The following NELL1 variants were observed in gnomAD, a reference collection of about 807,000 sequenced individuals.
NELL1 encodes the protein neural EGFL like 1, also known as protein kinase C-binding protein NELL1.
NELL1 carries 76 observed loss-of-function variants against 107.4 expected under a neutral mutation model. The observed-to-expected ratio is 0.71, with a 90% confidence interval of 0.59 to 0.86. NELL1 has a LOEUF of 0.86. NELL1 is among the 40% of genes least tolerant of loss of function. The pLI is 0.00. For missense variants in NELL1, 1,024 were observed against 1,005.5 expected, an observed-to-expected ratio of 1.02 and a Z score of -0.25; for synonymous variants, 353 against 341.2, an observed-to-expected ratio of 1.03 and a Z score of -0.38.
chr11:21,404,004 A>AGC (rs1379171004), intron 15 of NELL1, among the ~76,000 whole-genome samples: 2 of 28,222 alleles, frequency 7.1e-5, no homozygotes, highest in Admixed American at 4.8e-4. Flanking sequence ...GTCATTCCTG[A>AGC]ACCCCCCCCC....
At chr11:21,251,738 T>C (rs527870923) in intron 14 of NELL1, among the ~76,000 whole-genome samples, 1 of 152,102 alleles carries the variant, frequency 6.6e-6, no homozygotes, top group African/African-American at 2.4e-5. Context: ...CAGGTAAACT[T>C]TGGCAATGAC....
At chr11:20,972,279 G>A (rs949202986) in intron 12 of NELL1, among the ~76,000 whole-genome samples, 2 of 152,184 alleles carry the variant, frequency 1.3e-5, no homozygotes, top group Admixed American at 6.5e-5. Context: ...CACAATAGGT[G>A]TTAGTTAAAT....
intron 15 of NELL1, among the ~76,000 whole-genome samples, chr11:21,470,199 A>G (rs1490481322): frequency 6.6e-6 from 1 of 152,054 alleles, no homozygotes; most frequent in Non-Finnish European, 1.5e-5. Context: ...ATTGGTACAA[A>G]GTAATCATGC....
At chr11:20,862,115 G>C (rs1257519296) in intron 4 of NELL1, among the ~76,000 whole-genome samples, 1 of 152,206 alleles carries the variant, frequency 6.6e-6, no homozygotes, top group Non-Finnish European at 1.5e-5. Context: ...ATTGTTTCTA[G>C]ATGCTTTTCT....
chr11:20,831,337 G>A (rs1858004403), intron 3 of NELL1, among the ~76,000 whole-genome samples: 1 of 152,230 alleles, frequency 6.6e-6, no homozygotes, highest in South Asian at 2.1e-4. Context: ...CCTGCATTTT[G>A]ACAAGTTGAC....
At chr11:21,455,408 T>C (rs1163937485) in intron 15 of NELL1, among the ~76,000 whole-genome samples, 1 of 150,056 alleles carries the variant, frequency 6.7e-6, no homozygotes, top group Non-Finnish European at 1.5e-5. Flanking sequence ...CATGACTCAC[T>C]GCAGCCTTGA....
At chr11:20,892,865 G>T (rs957894636) in intron 5 of NELL1, among the ~76,000 whole-genome samples, 2 of 151,202 alleles carry the variant, frequency 1.3e-5, no homozygotes, top group African/African-American at 4.9e-5. Context: ...TGAGGTGGAG[G>T]TTGCAGTGAG....
intron 2 of NELL1, among the ~76,000 whole-genome samples, chr11:20,723,955 G>T (rs1855452134): frequency 6.6e-6 from 1 of 152,210 alleles, no homozygotes; most frequent in South Asian, 2.1e-4. Context: ...CACCCTCTGA[G>T]GCCACAGCTC....
At chr11:21,221,438 T>G (rs147569498) in intron 13 of NELL1, among the ~76,000 whole-genome samples, 1 of 152,330 alleles carries the variant, frequency 6.6e-6, no homozygotes, top group African/African-American at 2.4e-5. Context: ...GTTTTTGTAA[T>G]AATTTAGAAG....
chr11:21,543,889 A>C (rs1856361092), intron 16 of NELL1, among the ~76,000 whole-genome samples: 1 of 152,112 alleles, frequency 6.6e-6, no homozygotes, highest in South Asian at 2.1e-4. Context: ...GCAAGCCTAT[A>C]AGTTGTTTTC....
chr11:21,049,977 T>C (rs1299153834), intron 12 of NELL1, among the ~76,000 whole-genome samples: 1 of 152,132 alleles, frequency 6.6e-6, no homozygotes, highest in Non-Finnish European at 1.5e-5. Context: ...CTTTAAAAGT[T>C]AAATTGGGAA....
intron 16 of NELL1, among the ~76,000 whole-genome samples, chr11:21,553,124 C>T (rs1450869356): frequency 6.6e-6 from 1 of 151,736 alleles, no homozygotes; most frequent in Non-Finnish European, 1.5e-5. Context: ...TTGTAACCTC[C>T]CTGTGACTAA....
intron 15 of NELL1, among the ~76,000 whole-genome samples, chr11:21,533,670 A>T (rs1456298335): frequency 1.3e-5 from 2 of 152,172 alleles, no homozygotes; most frequent in Admixed American, 1.3e-4. Context: ...AAAAAAGCCT[A>T]GGAGACTTCC....
intron 2 of NELL1, among the ~76,000 whole-genome samples, chr11:20,766,206 AC>A (rs1342429070): frequency 1.3e-5 from 2 of 152,200 alleles, no homozygotes; most frequent in African/African-American, 2.4e-5. Context: ...AAGCCCAAAC[AC>A]TGGGCTGGAT....
At chr11:21,163,647 T>A (rs982889182) in intron 13 of NELL1, among the ~76,000 whole-genome samples, 1 of 152,194 alleles carries the variant, frequency 6.6e-6, no homozygotes, top group Admixed American at 6.5e-5. Context: ...TTATTTCTCA[T>A]AGTTCTGGGG....
chr11:21,501,746 C>T (rs2133932699), intron 15 of NELL1, among the ~76,000 whole-genome samples: 1 of 152,274 alleles, frequency 6.6e-6, no homozygotes, highest in African/African-American at 2.4e-5. Flanking sequence ...GCTTCATTCA[C>T]TATTCACAGG....
intron 13 of NELL1, among the ~76,000 whole-genome samples, chr11:21,131,317 C>G (rs1303290572): frequency 6.6e-6 from 1 of 152,126 alleles, no homozygotes; most frequent in African/African-American, 2.4e-5. Flanking sequence ...ACCTATTAAG[C>G]AAATCATTTG....
At chr11:21,249,240 A>G (rs185712759) in intron 14 of NELL1, among the ~76,000 whole-genome samples, 12 of 152,260 alleles carry the variant, frequency 7.9e-5, no homozygotes, top group Admixed American at 4.6e-4. Context: ...AGATTATGCA[A>G]ATCTGGTGAT....
Position 20,847,572 on chromosome 11 carries a change from T to G in NELL1, c.336-11T>G, listed in dbSNP as rs1848722158. On this transcript the variant is annotated splice_polypyrimidine_tract_variant and intron_variant, in intron 3 of 19. Transcript: ENST00000357134. ...CTAAAATAAAACAAATGTTTGTTCC[T>G]TTACATACAGCTATTTTGAACTGGA... 1 of 1,610,814 alleles carries G rather than the reference T, an allele frequency of 6.2e-7. No homozygotes were observed. The highest frequency in any genetic ancestry group is 1.3e-5 in the African/African-American group (1 of 74,814).
Sources: allele counts gnomAD v4.1 joint callset (sites outside exome capture counted in the v4.1 genomes callset), GRCh38; gene constraint gnomAD v4.1.1; transcripts MANE v1.5; gene names NCBI Gene and HGNC (gene_info 2026-07-23, HGNC 2026-07-21).